NSMCE2: variants seen among roughly 807,000 people sequenced by gnomAD.
NSMCE2 encodes the protein E3 SUMO-protein ligase NSE2.
In NSMCE2, 24 loss-of-function variants were observed where a neutral mutation model predicts 23.8. The ratio of observed to expected loss-of-function variants is 1.01; its 90% confidence interval spans 0.73 to 1.42. The LOEUF is 1.42. Ranked by LOEUF, NSMCE2 falls within the 40% of genes most tolerant of loss-of-function variation. NSMCE2 has a pLI of 0.00. For synonymous variants in NSMCE2, 92 were observed against 94.1 expected, an observed-to-expected ratio of 0.98 and a Z score of 0.13; for missense variants, 284 against 296.5, an observed-to-expected ratio of 0.96 and a Z score of 0.31.
intron 5 of NSMCE2, among the ~76,000 whole-genome samples, chr8:125,314,688 G>C (rs1454246459): frequency 6.6e-6 from 1 of 152,222 alleles, no homozygotes; most frequent in Non-Finnish European, 1.5e-5. Context: ...TGGAAGTGGA[G>C]CTGTGATCCT....
chr8:125,204,202 T>C (rs1824007618), intron 5 of NSMCE2, among the ~76,000 whole-genome samples: 1 of 152,216 alleles, frequency 6.6e-6, no homozygotes, highest in South Asian at 2.1e-4. Flanking sequence ...ATAGTAGTCC[T>C]GGGAATAAAA....
At chr8:125,309,449 G>A (rs1348225413) in intron 5 of NSMCE2, among the ~76,000 whole-genome samples, 1 of 151,756 alleles carries the variant, frequency 6.6e-6, no homozygotes, top group African/African-American at 2.4e-5. Flanking sequence ...AAGATCAGGT[G>A]CAGTGGCTTA....
At chr8:125,254,242 CT>C (rs1826317669) in intron 5 of NSMCE2, among the ~76,000 whole-genome samples, 1 of 152,126 alleles carries the variant, frequency 6.6e-6, no homozygotes, top group African/African-American at 2.4e-5. Context: ...AAACAAAAGT[CT>C]TTTGCATTTT....
At chr8:125,227,889 G>A (rs1050869260) in intron 5 of NSMCE2, among the ~76,000 whole-genome samples, 3 of 152,052 alleles carry the variant, frequency 2.0e-5, no homozygotes, top group African/African-American at 7.2e-5. Context: ...AGTCAGTATA[G>A]TGTGAGCTCA....
chr8:125,185,035 C>T (rs981893982), intron 5 of NSMCE2, among the ~76,000 whole-genome samples: 1 of 152,148 alleles, frequency 6.6e-6, no homozygotes, highest in East Asian at 1.9e-4. Context: ...AAAATAACCA[C>T]CATGTCTTCA....
At chr8:125,187,950 G>A (rs974537187) in intron 5 of NSMCE2, among the ~76,000 whole-genome samples, 4 of 152,182 alleles carry the variant, frequency 2.6e-5, no homozygotes, top group Non-Finnish European at 5.9e-5. Flanking sequence ...TTAGGTCACT[G>A]TTACATATAG....
intron 3 of NSMCE2, among the ~76,000 whole-genome samples, chr8:125,135,945 G>A (rs1820046785): frequency 2.0e-5 from 3 of 152,154 alleles, no homozygotes; most frequent in Middle Eastern, 3.4e-3. Flanking sequence ...CAGAGAAGTC[G>A]GCCAAGGTTT....
At chr8:125,316,952 G>A (rs1829234563) in intron 5 of NSMCE2, among the ~76,000 whole-genome samples, 1 of 151,148 alleles carries the variant, frequency 6.6e-6, no homozygotes. Flanking sequence ...CTGATTTTTG[G>A]TTTTTCGTTT....
chr8:125,224,013 AT>A (rs540230156), intron 5 of NSMCE2, among the ~76,000 whole-genome samples: 102 of 151,730 alleles, frequency 6.7e-4, no homozygotes, highest in African/African-American at 2.1e-3. Flanking sequence ...ATTTTTTTAA[AT>A]TTTTAGTAGA....
intron 5 of NSMCE2, among the ~76,000 whole-genome samples, chr8:125,192,462 C>G (rs1421898212): frequency 6.6e-6 from 1 of 151,268 alleles, no homozygotes; most frequent in Non-Finnish European, 1.5e-5. Context: ...TGAAATGTTT[C>G]AAGTTAATAT....
chr8:125,194,915 C>A (rs1479808830), intron 5 of NSMCE2, among the ~76,000 whole-genome samples: 9 of 151,992 alleles, frequency 5.9e-5, no homozygotes, highest in Non-Finnish European at 1.2e-4. Context: ...TCATGTTTGT[C>A]TATTAGCATA....
intron 4 of NSMCE2, among the ~76,000 whole-genome samples, chr8:125,181,190 C>T (rs979221355): frequency 2.6e-5 from 4 of 151,934 alleles, no homozygotes; most frequent in African/African-American, 9.7e-5. Flanking sequence ...GAAAGAGTGG[C>T]TCCTTTTTTC....
chr8:125,138,080 T>C (rs1820162232), intron 3 of NSMCE2, among the ~76,000 whole-genome samples: 1 of 152,336 alleles, frequency 6.6e-6, no homozygotes, highest in South Asian at 2.1e-4. Context: ...TTTTACCTCC[T>C]GAATGAAATA....
chr8:125,324,925 A>G (rs1013638899), intron 5 of NSMCE2, among the ~76,000 whole-genome samples: 1 of 129,706 alleles, frequency 7.7e-6, no homozygotes, highest in South Asian at 2.4e-4. Context: ...ATCAGAAAAC[A>G]GATCAGTTGT....
In NSMCE2 at chr8:125,183,285, T is replaced by TTTG. The variant is rs1296161958; in HGVS notation, c.418+1031_418+1033dup. Among the ~76,000 whole-genome samples the TTTG allele has an allele frequency of 2.0e-5, 3 of 152,302 alleles. No homozygotes were observed. The East Asian group carries it at 5.8e-4, about 29-fold the overall frequency. The stretch of plus-strand genomic sequence containing the variant: ...AAATGACTGAGGAAGCTGCCTCACT[T>TTTG]TTGTCTATTTTACAAATAACTTAAG... On this transcript the variant is annotated intron_variant, in intron 5 of 7. Transcript: ENST00000287437.
At chr8:125,243,174 C>T (rs1825823562) in intron 5 of NSMCE2, among the ~76,000 whole-genome samples, 1 of 152,078 alleles carries the variant, frequency 6.6e-6, no homozygotes, top group Admixed American at 6.5e-5. Context: ...ATCAAATATA[C>T]AATTGTAATA....
At chr8:125,161,216 C>T (rs1821605898) in intron 4 of NSMCE2, among the ~76,000 whole-genome samples, 1 of 152,004 alleles carries the variant, frequency 6.6e-6, no homozygotes, top group African/African-American at 2.4e-5. Flanking sequence ...GTAATGGTGG[C>T]ACTTTCCTTC....
At chr8:125,328,910 G>C (rs938522447) in intron 5 of NSMCE2, among the ~76,000 whole-genome samples, 1 of 152,076 alleles carries the variant, frequency 6.6e-6, no homozygotes, top group Admixed American at 6.5e-5. Context: ...AGTGAGACCC[G>C]AAGTCAGAAC....
intron 5 of NSMCE2, among the ~76,000 whole-genome samples, chr8:125,246,239 A>G (rs949713378): frequency 6.6e-6 from 1 of 150,492 alleles, no homozygotes; most frequent in Non-Finnish European, 1.5e-5. Flanking sequence ...GCTGGAGTGC[A>G]ATGTCGCAAT....
Sources: allele counts gnomAD v4.1 joint callset (sites outside exome capture counted in the v4.1 genomes callset), GRCh38; gene constraint gnomAD v4.1.1; transcripts MANE v1.5; gene names NCBI Gene and HGNC (gene_info 2026-07-23, HGNC 2026-07-21).